NDUFB2: variants seen among roughly 807,000 people sequenced by gnomAD.
NDUFB2 encodes the protein NADH:ubiquinone oxidoreductase subunit B2, also known as NADH dehydrogenase [ubiquinone] 1 beta subcomplex subunit 2, mitochondrial.
A neutral mutation model predicts 13.4 loss-of-function variants in NDUFB2; 13 were observed. That is an observed-to-expected ratio of 0.97 (90% CI 0.63 to 1.54). The LOEUF is 1.54. Among genes scored for constraint, NDUFB2 ranks in the 40% most tolerant of loss-of-function variants. NDUFB2 has a pLI of 0.00. For synonymous variants in NDUFB2, 47 were observed against 50.6 expected (o/e 0.93, Z 0.30); for missense variants, 150 against 139.7 (o/e 1.07, Z -0.37).
intron 1 of NDUFB2, 82 bp downstream of exon 1, chr7:140,696,924 G>A: frequency 6.0e-6 from 8 of 1,331,456 alleles, no homozygotes; most frequent in East Asian, 2.5e-5. Flanking sequence ...CCTTGACTGG[G>A]GCGCCTGAAG....
intron 1 of NDUFB2, among the ~76,000 whole-genome samples, chr7:140,701,517 G>C (rs1280551428): frequency 6.6e-6 from 1 of 151,978 alleles, no homozygotes; most frequent in Non-Finnish European, 1.5e-5. Flanking sequence ...CCAGCTACTT[G>C]GGAGGGAGGC....
chr7:140,701,631 C>G (rs1383604091), intron 1 of NDUFB2, among the ~76,000 whole-genome samples: 1 of 151,812 alleles, frequency 6.6e-6, no homozygotes, highest in Non-Finnish European at 1.5e-5. Context: ...CAGAGCCTAT[C>G]TTTAAAAAAA....
At chr7:140,701,478 G>C (rs921662540) in intron 1 of NDUFB2, among the ~76,000 whole-genome samples, 3 of 152,144 alleles carry the variant, frequency 2.0e-5, no homozygotes, top group African/African-American at 7.2e-5. Context: ...AAATTAGCCA[G>C]GTCTGGGGGT....
At chr7:140,702,711 AAGTG>A (rs1794913372) in intron 1 of NDUFB2, 151 bp from the exon 2 acceptor site, 1 of 878,666 alleles carries the variant, frequency 1.1e-6, no homozygotes, top group African/African-American at 1.7e-5. Context: ...GCTTAGTAAA[AAGTG>A]AGTATTTCAA....
chr7:140,703,605 C>T (rs761666240), intron 2 of NDUFB2, among the ~76,000 whole-genome samples: 8 of 151,674 alleles, frequency 5.3e-5, no homozygotes, highest in South Asian at 2.1e-4. Flanking sequence ...TCTGAACTAG[C>T]GGTTCATTGG....
At chr7:140,704,756 C>T in intron 2 of NDUFB2, 104 bp from the exon 3 acceptor site, 1 of 752,118 alleles carries the variant, frequency 1.3e-6, no homozygotes, top group South Asian at 2.2e-5. Flanking sequence ...GGGGCTGAGC[C>T]ATATTGTTTT....
In NDUFB2 at chr7:140,704,000, C is replaced by A. The variant is rs1585865939; in HGVS notation, c.244-860C>A. Among the ~76,000 whole-genome samples the A allele has an allele frequency of 2.0e-5, 3 of 152,164 alleles. No individual in the cohort carries two copies. The South Asian group carries it at 6.2e-4, about 32-fold the overall frequency. On this transcript the variant is annotated intron_variant, in intron 2 of 3. Transcript: ENST00000247866. The stretch of plus-strand genomic sequence containing the variant: ...TCGATCTCCTGACCTCATGATCCAC[C>A]TGCCTTGGCCTCCCAAAGTGCTGGG...
At chr7:140,697,062 C>A in intron 1 of NDUFB2, 1 of 596,510 alleles carries the variant, frequency 1.7e-6, no homozygotes, top group Non-Finnish European at 3.0e-6. Context: ...ACACCGTGTG[C>A]AGGGCCGTCA....
intron 1 of NDUFB2, among the ~76,000 whole-genome samples, chr7:140,698,867 T>C (rs1213769026): frequency 6.6e-6 from 1 of 152,058 alleles, no homozygotes; most frequent in Non-Finnish European, 1.5e-5. Flanking sequence ...TTTTTAAAAA[T>C]GTAACTTTGT....
At chr7:140,703,273 AT>A (rs10597210) in intron 2 of NDUFB2, among the ~76,000 whole-genome samples, 8,758 of 120,280 alleles carry the variant, frequency 0.073, 176 homozygotes, top group African/African-American at 0.098. Flanking sequence ...CTAAAAGCTC[AT>A]TTTTTTTTTT....
rs767066090 is a variant in NDUFB2 at position 140,703,047 on chromosome 7, T to A, written c.243+37T>A. 8.1e-6 allele frequency: 13 copies of A among 1,601,842 alleles called. No individual in the cohort carries two copies. In the South Asian group the frequency reaches 1.4e-4, roughly 18 times the overall value. ...AGAAGAGCACTTGTCGTTTTTTGGGTGGGGGAGGGAGGATGTATTAATAGC... is the reference window on the plus strand; with the variant it reads ...AGAAGAGCACTTGTCGTTTTTTGGGAGGGGGAGGGAGGATGTATTAATAGC... On this transcript the variant is annotated intron_variant, in intron 2 of 3. Transcript: ENST00000247866.
chr7:140,698,417 G>T, intron 1 of NDUFB2: 1 of 1,031,044 alleles, frequency 9.7e-7, no homozygotes, highest in East Asian at 5.8e-5. Flanking sequence ...ACATTCTGGA[G>T]AGGAGAGACC....
At chr7:140,697,650 A>G (rs1794833601) in intron 1 of NDUFB2, among the ~76,000 whole-genome samples, 1 of 152,180 alleles carries the variant, frequency 6.6e-6, no homozygotes, top group South Asian at 2.1e-4. Context: ...CACTTTACCA[A>G]GAGGCAGTGT....
At chr7:140,697,119 G>A in intron 1 of NDUFB2, 1 of 589,652 alleles carries the variant, frequency 1.7e-6, no homozygotes, top group South Asian at 2.0e-5. Context: ...CGTGAATGCG[G>A]AGCGGGCTGA....
At position 140,696,858 on chromosome 7, in the gene NDUFB2, G is replaced by C. The variant is rs577411024; in HGVS notation, c.98+16G>C. The stretch of plus-strand genomic sequence containing the variant: ...GAGTCCGTCAGTGAGTGTGGGGCTG[G>C]GGATGGGGGCCTCGCCGGCCTGTAG... On this transcript the variant is annotated intron_variant, in intron 1 of 3. Coordinates refer to ENST00000247866, the MANE Select transcript of NDUFB2 (RefSeq NM_004546.3). 8.1e-5 allele frequency: 129 copies of C among 1,591,436 alleles called. No homozygotes were observed. The highest frequency in any genetic ancestry group is 1.1e-4 in the Non-Finnish European group (126 of 1,169,002).
intron 3 of NDUFB2, 117 bp downstream of exon 3, chr7:140,705,080 G>T: frequency 1.3e-5 from 6 of 448,330 alleles, no homozygotes; most frequent in Non-Finnish European, 1.9e-5. Flanking sequence ...ATGAAGTTGA[G>T]TTAACCATGT....
At chr7:140,706,031 TTGTTATGTTA>T (rs202028313) in intron 3 of NDUFB2, 13 of 142,226 alleles carry the variant, frequency 9.1e-5, no homozygotes, top group East Asian at 7.9e-4. Flanking sequence ...TTATTTTAGT[TTGTTATGTTA>T]TGTTATGTTA....
intron 3 of NDUFB2, chr7:140,706,164 C>T (rs886299157): frequency 3.9e-5 from 6 of 152,092 alleles, no homozygotes; most frequent in Admixed American, 3.9e-4. Context: ...GATCATGGCT[C>T]ACTGTAACCC....
At chr7:140,705,609 C>G (rs1794956229) in intron 3 of NDUFB2, 2 of 152,152 alleles carry the variant, frequency 1.3e-5, no homozygotes, top group African/African-American at 4.8e-5. Flanking sequence ...CCACACCTGG[C>G]CCATTGTATA....
Sources: allele counts gnomAD v4.1 joint callset (sites outside exome capture counted in the v4.1 genomes callset), GRCh38; gene constraint gnomAD v4.1.1; transcripts MANE v1.5; gene names NCBI Gene and HGNC (gene_info 2026-07-23, HGNC 2026-07-21).